Variants in PLXDC2 observed in about 807,000 individuals in gnomAD.
The protein encoded by PLXDC2 is plexin domain containing 2, also known as plexin domain-containing protein 2.
PLXDC2 carries 40 observed loss-of-function variants against 68.9 expected under a neutral mutation model. That is an observed-to-expected ratio of 0.58 (90% confidence interval 0.45 to 0.76). PLXDC2 has a LOEUF of 0.76. PLXDC2 is among the 30% of genes least tolerant of loss of function. The pLI, the probability that PLXDC2 is intolerant of heterozygous loss-of-function variation, is 0.00. For synonymous variants in PLXDC2, 243 were observed against 234.2 expected (o/e 1.04, Z -0.34); for missense variants, 644 against 661.9 (o/e 0.97, Z 0.30).
intron 1 of PLXDC2, among the ~76,000 whole-genome samples, chr10:19,821,182 G>A (rs1005022516): frequency 6.6e-6 from 1 of 152,150 alleles, no homozygotes; most frequent in Non-Finnish European, 1.5e-5. Flanking sequence ...TGGTCTTCAA[G>A]GCCATTGCCT....
At chr10:20,096,981 G>T (rs924068796) in intron 4 of PLXDC2, among the ~76,000 whole-genome samples, 3 of 151,868 alleles carry the variant, frequency 2.0e-5, no homozygotes, top group Admixed American at 6.6e-5. Context: ...CAACAGTTTT[G>T]CAGTTTTCCA....
chr10:20,140,893 C>A (rs1833998187), intron 4 of PLXDC2, among the ~76,000 whole-genome samples: 1 of 148,884 alleles, frequency 6.7e-6, no homozygotes, highest in African/African-American at 2.5e-5. Context: ...CATGTTAAGT[C>A]TTCGTGGTGG....
intron 6 of PLXDC2, among the ~76,000 whole-genome samples, chr10:20,149,278 G>A (rs1834121861): frequency 1.1e-5 from 1 of 92,152 alleles, no homozygotes; most frequent in Admixed American, 1.8e-4. Flanking sequence ...CACTCTTGTT[G>A]CCCAGGCTGG....
intron 12 of PLXDC2, among the ~76,000 whole-genome samples, chr10:20,227,170 G>A (rs1484068451): frequency 6.6e-6 from 1 of 152,010 alleles, no homozygotes; most frequent in East Asian, 1.9e-4. Flanking sequence ...TTCAACTATT[G>A]TGTACCAGGC....
intron 1 of PLXDC2, among the ~76,000 whole-genome samples, chr10:19,954,470 T>A (rs973539691): frequency 6.6e-6 from 1 of 152,336 alleles, no homozygotes; most frequent in Non-Finnish European, 1.5e-5. Flanking sequence ...AATTTATTAT[T>A]TGCACATGAT....
intron 2 of PLXDC2, among the ~76,000 whole-genome samples, chr10:20,045,347 T>C (rs1398549154): frequency 5.9e-5 from 9 of 152,162 alleles, no homozygotes; most frequent in African/African-American, 1.9e-4. Flanking sequence ...ATTTTTGTAT[T>C]TTTAGTAGAG....
At chr10:19,829,981 A>G (rs914403938) in intron 1 of PLXDC2, among the ~76,000 whole-genome samples, 1 of 152,206 alleles carries the variant, frequency 6.6e-6, no homozygotes, top group Non-Finnish European at 1.5e-5. Context: ...CTGTGAAAGG[A>G]CAAGATTTTA....
At chr10:19,829,312 T>C (rs534575247) in intron 1 of PLXDC2, among the ~76,000 whole-genome samples, 1 of 152,224 alleles carries the variant, frequency 6.6e-6, no homozygotes, top group South Asian at 2.1e-4. Context: ...CCTCCCTAGC[T>C]CCAAGCATAG....
At chr10:20,189,702 C>T (rs987355559) in intron 9 of PLXDC2, among the ~76,000 whole-genome samples, 2 of 150,856 alleles carry the variant, frequency 1.3e-5, no homozygotes, top group Admixed American at 1.3e-4. Context: ...ACTTGACTTA[C>T]TAGATGTGGG....
At chr10:19,950,741 A>T (rs1310206476) in intron 1 of PLXDC2, among the ~76,000 whole-genome samples, 3 of 152,188 alleles carry the variant, frequency 2.0e-5, no homozygotes, top group Admixed American at 1.3e-4. Flanking sequence ...ACATTACTTG[A>T]CTTCAAACAT....
intron 4 of PLXDC2, among the ~76,000 whole-genome samples, chr10:20,089,406 A>G (rs1357474883): frequency 2.0e-5 from 3 of 152,156 alleles, no homozygotes; most frequent in Non-Finnish European, 4.4e-5. Context: ...AAGTACAGGT[A>G]AACTGCACAC....
intron 1 of PLXDC2, among the ~76,000 whole-genome samples, chr10:19,906,197 T>C (rs1042899882): frequency 1.3e-5 from 2 of 152,110 alleles, no homozygotes; most frequent in African/African-American, 4.8e-5. Context: ...TATGTGCACA[T>C]GCGTGTGTGT....
chr10:20,094,236 A>G (rs576424241), intron 4 of PLXDC2, among the ~76,000 whole-genome samples: 133 of 152,324 alleles, frequency 8.7e-4, no homozygotes, highest in African/African-American at 3.1e-3. Flanking sequence ...GTTTGAAAGT[A>G]ATTTGGGTAT....
At chr10:20,263,078 G>A (rs1835829320) in intron 13 of PLXDC2, among the ~76,000 whole-genome samples, 1 of 152,168 alleles carries the variant, frequency 6.6e-6, no homozygotes, top group African/African-American at 2.4e-5. Flanking sequence ...GAACAAAGCT[G>A]GAGTAATCAC....
At chr10:19,870,522 T>A (rs535565470) in intron 1 of PLXDC2, among the ~76,000 whole-genome samples, 67 of 152,068 alleles carry the variant, frequency 4.4e-4, no homozygotes, top group Non-Finnish European at 7.8e-4. Context: ...GCCTCCCGGG[T>A]TCAAGTGATT....
At chr10:20,156,319 C>T (rs1834216829) in intron 6 of PLXDC2, among the ~76,000 whole-genome samples, 1 of 152,120 alleles carries the variant, frequency 6.6e-6, no homozygotes, top group African/African-American at 2.4e-5. Flanking sequence ...ACTTTTTACT[C>T]TGTGTATGTT....
At chr10:19,936,053 A>T (rs548016196) in intron 1 of PLXDC2, among the ~76,000 whole-genome samples, 2 of 152,214 alleles carry the variant, frequency 1.3e-5, no homozygotes, top group Non-Finnish European at 2.9e-5. Flanking sequence ...AAATGTATAA[A>T]TTTGCTCATG....
intron 1 of PLXDC2, among the ~76,000 whole-genome samples, chr10:19,911,074 A>C (rs1054336001): frequency 6.6e-6 from 1 of 151,884 alleles, no homozygotes; most frequent in African/African-American, 2.4e-5. Context: ...CGTTCTCAAA[A>C]GTTTGGACCT....
intron 6 of PLXDC2, among the ~76,000 whole-genome samples, chr10:20,160,050 G>C (rs566081769): frequency 1.2e-3 from 184 of 152,264 alleles, no homozygotes; most frequent in Non-Finnish European, 1.7e-3. Flanking sequence ...TAGGCTCTGT[G>C]AGAGAAGGGT....
Sources: allele counts gnomAD v4.1 joint callset (sites outside exome capture counted in the v4.1 genomes callset), GRCh38; gene constraint gnomAD v4.1.1; transcripts MANE v1.5; gene names NCBI Gene and HGNC (gene_info 2026-07-23, HGNC 2026-07-21).